Variants in LCMT2 observed in about 807,000 individuals in gnomAD.
The protein encoded by LCMT2 is leucine carboxyl methyltransferase 2.
Under a neutral mutation model 42.0 loss-of-function variants are expected in LCMT2, and 34 were observed. That is an observed-to-expected ratio of 0.81 (90% CI 0.62 to 1.08). The LOEUF (loss-of-function observed/expected upper bound fraction) is 1.08. Among genes scored for constraint, LCMT2 ranks in the 50% least tolerant of loss-of-function variants. The probability of loss-of-function intolerance (pLI) is 0.00; values close to 1 mark genes in which losing one functional copy is unlikely to be tolerated. For synonymous variants in LCMT2, 445 were observed against 369.5 expected (o/e 1.20, Z -2.34); for missense variants, 1,091 against 889.4 (o/e 1.23, Z -2.88).
Position 43,330,526 on chromosome 15 carries a change from T to C in LCMT2, c.-37A>G. 3 of 1,508,090 alleles carry C rather than the reference T, an allele frequency of 2.0e-6. No individual in the cohort carries two copies. Among genetic ancestry groups the C allele is most frequent in the East Asian group, 2.3e-5 (1 of 42,846 alleles). The allele number at this position is 1,508,090 out of a possible 1,614,324, so 93.4% of individuals were successfully genotyped here. On this transcript the variant is annotated 5_prime_UTR_variant, in exon 1 of 1. Transcript: ENST00000305641. ...ACTCAGGAATGGCAGTCTGTCACGG[T>C]TGTGAGCCGCCCCTTGGTTAGCACA...
rs1018704017 is a variant in LCMT2, at chr15:43,325,102, T to C, written c.*3327A>G. On this transcript the variant is annotated 3_prime_UTR_variant, in exon 1 of 1. Coordinates refer to ENST00000305641, the MANE Select transcript of LCMT2 (RefSeq NM_014793.5). Reference sequence around the variant, plus strand: ...TATCCTCCAACAGTTGTTCTTAACCTGTTTTCATCTTCACTATTATGATAC... The same window carrying C: ...TATCCTCCAACAGTTGTTCTTAACCCGTTTTCATCTTCACTATTATGATAC... The C allele has an allele frequency of 1.3e-5, 2 of 152,348 alleles. No homozygotes were observed. The highest frequency in any genetic ancestry group is 2.4e-5 in the African/African-American group (1 of 41,576). 9.4% of individuals were successfully genotyped at this position (152,348 alleles called of 1,614,324 possible).
Position 43,329,766 on chromosome 15 carries a change from G to A in LCMT2, c.724C>T (p.Leu242=). 1.2e-6 allele frequency: 2 copies of A among 1,613,536 alleles called. No homozygotes were observed. Among genetic ancestry groups the A allele is most frequent in the Non-Finnish European group, 1.7e-6 (2 of 1,179,890 alleles). Residue 242 remains leucine, a synonymous_variant, in exon 1 of 1, where the codon CTG becomes TTG. Coordinates refer to ENST00000305641, the MANE Select transcript of LCMT2 (RefSeq NM_014793.5). ...LQHFRQLNSP[L]HGLERFPDVE... ...TCAGGAAAACGCTCCAGGCCATGCA[G>A]GGGGGAGTTTAGCTGCCGAAAATGT...
Position 43,329,827 on chromosome 15 carries a change from C to G in LCMT2, c.663G>C (p.Met221Ile). 1 of 1,613,946 alleles carries G rather than the reference C, an allele frequency of 6.2e-7. No individual in the cohort carries two copies. Among genetic ancestry groups the G allele is most frequent in the African/African-American group, 1.3e-5 (1 of 75,070 alleles). Reference sequence around the variant, plus strand: ...ACTGGCCAAAGGCGTCTTGAGGCCTCATCTGCTCATAGACCACGAAAAGGG... The same window carrying G: ...ACTGGCCAAAGGCGTCTTGAGGCCTGATCTGCTCATAGACCACGAAAAGGG... ...PNALFVVYEQ[M>I]RPQDAFGQFM... Residue 221 changes from methionine to isoleucine, a missense_variant, in exon 1 of 1, where the codon ATG (methionine) becomes ATC (isoleucine). Physicochemically the swap from Met to Ile is conservative, Grantham distance 10. Coordinates refer to ENST00000305641, the MANE Select transcript of LCMT2 (RefSeq NM_014793.5).
chr15:43,329,024 C>G lies in LCMT2; in HGVS notation c.1466G>C (p.Cys489Ser), dbSNP rs961230156. The G allele has an allele frequency of 2.5e-6, 4 of 1,614,214 alleles. No homozygotes were observed. The East Asian group carries it at 8.9e-5, about 36-fold the overall frequency. ...CACAAACAAATATTCCTGATTCTGACAGGACACTTCTGTTGTTGAATGCCG... is the reference window on the plus strand; with the variant it reads ...CACAAACAAATATTCCTGATTCTGAGAGGACACTTCTGTTGTTGAATGCCG... ...CWRHSTTEVS[C>S]QNQEYLFVYG... is the part of the protein sequence containing the mutation. Residue 489 changes from cysteine (C) to serine (S), a missense_variant, in exon 1 of 1, where the codon TGT (cysteine) becomes TCT (serine). Transcript: ENST00000305641.
Position 43,326,342 on chromosome 15 carries a change from T to C in LCMT2, c.*2087A>G, listed in dbSNP as rs1313121753. ...CCCACTGATCGCCTTGCCAGATGTC[T>C]TCCCAGCTGTAATAAGCCCTGTTTC... On this transcript the variant is annotated 3_prime_UTR_variant, in exon 1 of 1. Transcript: ENST00000305641. 6.6e-6 allele frequency: 1 copy of C among 152,258 alleles called. No homozygotes were observed. The highest frequency in any genetic ancestry group is 1.5e-5 in the Non-Finnish European group (1 of 68,064). The allele number at this position is 152,258 out of a possible 1,614,324, so 9.4% of individuals were successfully genotyped here. A position where few individuals can be genotyped will look rare whatever the true frequency, so the allele number is the denominator to read the frequency against.
chr15:43,328,166 T>C lies in LCMT2; in HGVS notation c.*263A>G, dbSNP rs1429030662. The C allele has an allele frequency of 9.6e-6, 4 of 414,820 alleles. No homozygotes were observed. Among genetic ancestry groups the C allele is most frequent in the African/African-American group, 5.9e-5 (3 of 50,444 alleles). The allele number at this position is 414,820 out of a possible 1,614,324, so 25.7% of individuals were successfully genotyped here. On this transcript the variant is annotated 3_prime_UTR_variant, in exon 1 of 1. Transcript: ENST00000305641. The stretch of plus-strand genomic sequence containing the variant: ...TTTACTAAAGACCACTGTAACTCAA[T>C]AAACGAACTTAGATTAGAAAATTAG...
chr15:43,330,198 G>C lies in LCMT2; in HGVS notation c.292C>G (p.Arg98Gly). 1 of 1,611,702 alleles carries C rather than the reference G, an allele frequency of 6.2e-7. No homozygotes were observed. Among genetic ancestry groups the C allele is most frequent in the Non-Finnish European group, 8.5e-7 (1 of 1,179,874 alleles). Residue 98 changes from arginine (R) to glycine (G), a missense_variant, in exon 1 of 1, where the codon CGC becomes GGC. Coordinates refer to ENST00000305641, the MANE Select transcript of LCMT2 (RefSeq NM_014793.5). ...GCCAGGCGGCCCGCGGTTTTTAAGC[G>C]AAAATAGAGCGAGTCGAAGCCAGCG... ...LGAGFDSLYF[R>G]LKTAGRLARA...
Position 43,329,413 on chromosome 15 carries a change from G to A in LCMT2, c.1077C>T (p.Gly359=), listed in dbSNP as rs755554399. The change falls in exon 1 of 1, where the codon GGC becomes GGT. Residue 359 remains glycine, a synonymous_variant. Transcript: ENST00000305641. The part of the protein sequence containing the change: ...EGQVPNLKRY[G]HASVFLSPDV... ...CTGGGCTCAAGAAGACAGAGGCGTG[G>A]CCATATCTCTTCAGGTTTGGGACCT... 2.5e-6 allele frequency: 4 copies of A among 1,614,132 alleles called. No homozygotes were observed. The highest frequency in any genetic ancestry group is 3.4e-6 in the Non-Finnish European group (4 of 1,180,042).
rs1369252714 is a variant in LCMT2 at position 43,328,683 on chromosome 15, C to G, written c.1807G>C (p.Gly603Arg). ...AATGAGGAGGAATGAATCCAGATCC[C>G]TCCAACCAGTAACAGCTTTCCATTG... is the stretch of plus-strand genomic sequence containing the variant. ...VLNGKLLLVG[G>R]IWIHSSSFPG... Residue 603 changes from glycine to arginine, a missense_variant, in exon 1 of 1, where the codon GGG (glycine) becomes CGG (arginine). Transcript: ENST00000305641. The G allele has an allele frequency of 6.2e-7, 1 of 1,614,118 alleles. No homozygotes were observed. The highest frequency in any genetic ancestry group is 8.5e-7 in the Non-Finnish European group (1 of 1,180,062).
Position 43,329,196 on chromosome 15 carries a change from C to G in LCMT2, c.1294G>C (p.Val432Leu). The change falls in exon 1 of 1, where the codon GTT (valine) becomes CTT (leucine). Residue 432 changes from valine (V) to leucine (L), a missense_variant. Transcript: ENST00000305641. ...MTRLSESRVL[V>L]LGGRLSPVSP... ...ACTGGGGACAGTCTCCCTCCCAGAA[C>G]CAGAACCCGACTCTCTGAGAGTCTT... 6.2e-7 allele frequency: 1 copy of G among 1,614,064 alleles called. No individual in the cohort carries two copies. Among genetic ancestry groups the G allele is most frequent in the African/African-American group, 1.3e-5 (1 of 75,046 alleles).
chr15:43,328,716 G>C lies in LCMT2; in HGVS notation c.1774C>G (p.His592Asp), dbSNP rs765990610. ...AGTAACAGCTTTCCATTGAGCACAT[G>C]AGCTGTGTGGGAGTACCTTGGGGTA... ...PITPRYSHTA[H>D]VLNGKLLLVG... is the part of the protein sequence containing the mutation. The change falls in exon 1 of 1, where the codon CAT becomes GAT. Residue 592 changes from histidine to aspartate, a missense_variant. Transcript: ENST00000305641. 9 of 1,614,122 alleles carry C rather than the reference G, an allele frequency of 5.6e-6. No homozygotes were observed. In the East Asian group the frequency reaches 2.0e-4, roughly 36 times the overall value.
Position 43,328,584 on chromosome 15 carries a change from A to G in LCMT2, c.1906T>C (p.Trp636Arg). 3 of 1,614,192 alleles carry G rather than the reference A, an allele frequency of 1.9e-6. No homozygotes were observed. Among genetic ancestry groups the G allele is most frequent in the Non-Finnish European group, 8.5e-7 (1 of 1,180,022 alleles). Residue 636 changes from tryptophan to arginine, a missense_variant, in exon 1 of 1, where the codon TGG (tryptophan) becomes CGG (arginine). Trp to Arg is a moderately radical substitution (Grantham distance 101, BLOSUM62 -3). Transcript: ENST00000305641. ...EYQIDTTYVP[W>R]PLMLHNHTSI... ...GTATGGTTGTGTAACATTAATGGCC[A>G]TGGCACATATGTTGTGTCAATCTGA...
In LCMT2 at chr15:43,330,371, A is replaced by T. The variant is rs747829503; in HGVS notation, c.119T>A (p.Leu40Ter). 3 of 1,589,016 alleles carry T rather than the reference A, an allele frequency of 1.9e-6. No homozygotes were observed. Among genetic ancestry groups the T allele is most frequent in the East Asian group, 4.6e-5 (2 of 43,060 alleles). ...GCGGCGCGCCGCGCCCGGAACCAGC[A>T]ACGCGGCAAAGGGGTCCTGCACGTA... ...RGYVQDPFAA[L>*]LVPGAARRAP... The change falls in exon 1 of 1, where the codon TTG becomes TAG. Residue 40 changes from leucine (L) to a stop codon, truncating the protein, a stop_gained. Transcript: ENST00000305641. LOFTEE classifies it low-confidence loss of function (END_TRUNC).
Position 43,329,740 on chromosome 15 carries a change from G to T in LCMT2, c.750C>A (p.Asp250Glu), listed in dbSNP as rs747880006. 1.9e-6 allele frequency: 3 copies of T among 1,613,518 alleles called. No homozygotes were observed. In the East Asian group the frequency reaches 6.7e-5, roughly 36 times the overall value. ...GGAAGCGGCGCCGCTGCGCCTCCAC[G>T]TCAGGAAAACGCTCCAGGCCATGCA... ...SPLHGLERFP[D>E]VEAQRRRFLQ... The change falls in exon 1 of 1, where the codon GAC (aspartate) becomes GAA (glutamate). Residue 250 changes from aspartate to glutamate, a missense_variant. Physicochemically the swap from Asp to Glu is conservative, Grantham distance 45 (BLOSUM62 2). Transcript: ENST00000305641.
chr15:43,330,304 G>A lies in LCMT2; in HGVS notation c.186C>T (p.Ala62=), dbSNP rs2043170987. The A allele has an allele frequency of 1.9e-6, 3 of 1,593,978 alleles. No individual in the cohort carries two copies. The highest frequency in any genetic ancestry group is 1.4e-5 in the African/African-American group (1 of 73,428). ...AAAAAGCGCGCACGCAGTGCCTCAC[G>A]GCGCGTGCGCGGACGTAGTAGCCTC... ...IHRGYYVRAR[A]VRHCVRAFLE... is the part of the protein sequence containing the mutation. Residue 62 remains alanine, a synonymous_variant, in exon 1 of 1, where the codon GCC becomes GCT. Transcript: ENST00000305641.
Position 43,326,313 on chromosome 15 carries a change from C to T in LCMT2, c.*2116G>A, listed in dbSNP as rs1029730648. 1 of 152,164 alleles carries T rather than the reference C, an allele frequency of 6.6e-6. No individual in the cohort carries two copies. The highest frequency in any genetic ancestry group is 1.5e-5 in the Non-Finnish European group (1 of 68,064). 9.4% of individuals were successfully genotyped at this position (152,164 alleles called of 1,614,324 possible). ...ATATTCCCTGCCAGTTTTCTACTAC[C>T]TGGCCCACTGATCGCCTTGCCAGAT... On this transcript the variant is annotated 3_prime_UTR_variant, in exon 1 of 1. Transcript: ENST00000305641.
chr15:43,329,959 G>A lies in LCMT2; in HGVS notation c.531C>T (p.Leu177=), dbSNP rs144770000. Residue 177 remains leucine, a synonymous_variant, in exon 1 of 1, where the codon CTC becomes CTT. Transcript: ENST00000305641. ...RVEEALGAAG[L]DAASPTLLLA... ...GGAGCAGAGTGGGTGAGGCTGCGTC[G>A]AGCCCCGCGGCGCCCAGGGCCTCCT... 24 of 1,612,320 alleles carry A rather than the reference G, an allele frequency of 1.5e-5. No homozygotes were observed. In the African/African-American group the frequency reaches 2.1e-4, roughly 14 times the overall value.
chr15:43,323,913 T>C lies in LCMT2; in HGVS notation c.*4516A>G, dbSNP rs1232458539. On this transcript the variant is annotated 3_prime_UTR_variant, in exon 1 of 1. Transcript: ENST00000305641. Reference sequence around the variant, plus strand: ...AGAGTGGACCTCTATCCAACAAGTATTTGTTGAGCATCTACTATGTTGGTG... The same window carrying C: ...AGAGTGGACCTCTATCCAACAAGTACTTGTTGAGCATCTACTATGTTGGTG... 3 of 152,184 alleles carry C rather than the reference T, an allele frequency of 2.0e-5. No individual in the cohort carries two copies. Among genetic ancestry groups the C allele is most frequent in the Admixed American group, 1.3e-4 (2 of 15,276 alleles). The allele number at this position is 152,184 out of a possible 1,614,324, so 9.4% of individuals were successfully genotyped here.
rs1448350254 is a variant in LCMT2, at chr15:43,328,364, G to A, written c.*65C>T. On this transcript the variant is annotated 3_prime_UTR_variant, in exon 1 of 1. Transcript: ENST00000305641. ...AGGAGTGGCAGTATCTATAGCTAGA[G>A]GGTCATCCTATTTGTGGAAAACTTT... 4.0e-6 allele frequency: 6 copies of A among 1,494,586 alleles called. No individual in the cohort carries two copies. The Admixed American group carries it at 7.7e-5, about 19-fold the overall frequency. The allele number at this position is 1,494,586 out of a possible 1,614,324, so 92.6% of individuals were successfully genotyped here.
Sources: allele counts gnomAD v4.1 joint callset, GRCh38; gene constraint gnomAD v4.1.1; transcripts MANE v1.5; gene names NCBI Gene and HGNC (gene_info 2026-07-23, HGNC 2026-07-21).